Variants in JARID2 observed in about 807,000 individuals in gnomAD.
JARID2 encodes protein Jumonji.
In JARID2, 21 loss-of-function variants were observed where a neutral mutation model predicts 125.6. The ratio of observed to expected loss-of-function variants is 0.17; its 90% confidence interval spans 0.12 to 0.24. The LOEUF (loss-of-function observed/expected upper bound fraction) is 0.24. JARID2 is among the 10% of genes least tolerant of loss of function. The pLI, the probability that JARID2 is intolerant of heterozygous loss-of-function variation, is 1.00. For missense variants in JARID2, 1,303 were observed against 1,639.6 expected, an observed-to-expected ratio of 0.79 and a Z score of 3.55; for synonymous variants, 736 against 661.6, an observed-to-expected ratio of 1.11 and a Z score of -1.73.
At chr6:15,321,818 A>C (rs1392945118) in intron 1 of JARID2, among the ~76,000 whole-genome samples, 1 of 95,050 alleles carries the variant, frequency 1.1e-5, no homozygotes, top group Non-Finnish European at 1.9e-5. Flanking sequence ...TTTGAGATGG[A>C]GTCTCACTTT....
At chr6:15,439,078 C>T (rs1468604725) in intron 3 of JARID2, among the ~76,000 whole-genome samples, 1 of 150,864 alleles carries the variant, frequency 6.6e-6, no homozygotes, top group Non-Finnish European at 1.5e-5. Context: ...CTGGTTCAGG[C>T]AGTGGAACAG....
At position 15,496,734 on chromosome 6, in the gene JARID2, G is replaced by T. The variant is rs1166677555; in HGVS notation, c.1509G>T (p.Thr503=). Residue 503 remains threonine, a synonymous_variant, in exon 7 of 18, where the codon ACG becomes ACT. Coordinates refer to ENST00000341776, the MANE Select transcript of JARID2 (RefSeq NM_004973.4). The part of the protein sequence containing the change: ...SLERNRPKRA[T]AGKSTPGRQA... ...AGAGGAATCGGCCGAAGCGGGCCAC[G>T]GCCGGGAAGAGCACGCCAGGCAGAC... 4 of 1,613,594 alleles carry T rather than the reference G, an allele frequency of 2.5e-6. No individual in the cohort carries two copies. Among genetic ancestry groups the T allele is most frequent in the Non-Finnish European group, 3.4e-6 (4 of 1,179,980 alleles).
chr6:15,309,172 A>T (rs1761932038), intron 1 of JARID2, among the ~76,000 whole-genome samples: 1 of 152,200 alleles, frequency 6.6e-6, no homozygotes, highest in Admixed American at 6.5e-5. Context: ...TGACCTCGGA[A>T]GGAACTAAAC....
chr6:15,303,436 C>T (rs908640226), intron 1 of JARID2, among the ~76,000 whole-genome samples: 2 of 152,360 alleles, frequency 1.3e-5, no homozygotes, highest in East Asian at 1.9e-4. Context: ...TGTGGCTGGC[C>T]AGAGGCTTAT....
intron 1 of JARID2, among the ~76,000 whole-genome samples, chr6:15,265,521 C>T (rs914993751): frequency 2.0e-5 from 3 of 152,182 alleles, no homozygotes; most frequent in South Asian, 2.1e-4. Context: ...AGATTTGGCT[C>T]TGTGAGATTT....
At chr6:15,356,042 A>G (rs546234714) in intron 1 of JARID2, among the ~76,000 whole-genome samples, 22 of 152,204 alleles carry the variant, frequency 1.4e-4, no homozygotes, top group Admixed American at 2.0e-4. Flanking sequence ...GGGTTGGCCT[A>G]TTCTGGAGAC....
chr6:15,256,329 A>G (rs779994319), intron 1 of JARID2, among the ~76,000 whole-genome samples: 5 of 152,164 alleles, frequency 3.3e-5, no homozygotes, highest in African/African-American at 7.2e-5. Context: ...ATCACCTTCT[A>G]CCTCTGTCCT....
chr6:15,383,743 C>T (rs1404131819), intron 2 of JARID2, among the ~76,000 whole-genome samples: 1 of 152,070 alleles, frequency 6.6e-6, no homozygotes, highest in Non-Finnish European at 1.5e-5. Flanking sequence ...CAGCATTTAC[C>T]GTGATTGAAC....
Position 15,309,637 on chromosome 6 carries a change from A to G in JARID2, c.45+63053A>G, listed in dbSNP as rs191750201. On this transcript the variant is annotated intron_variant, in intron 1 of 17. Coordinates refer to ENST00000341776, the MANE Select transcript of JARID2 (RefSeq NM_004973.4). ...TGGAAAATTTAGTAAATATATGTAT[A>G]CATATAATATATAAAGCATACATAT... Among the ~76,000 whole-genome samples, 388 of 152,242 alleles carry G rather than the reference A, an allele frequency of 2.5e-3. 1 individual carries two copies. The highest frequency in any genetic ancestry group is 4.6e-3 in the Non-Finnish European group (310 of 68,024).
chr6:15,498,228 A>G (rs980886705), intron 7 of JARID2, among the ~76,000 whole-genome samples: 3 of 151,946 alleles, frequency 2.0e-5, no homozygotes, highest in African/African-American at 7.3e-5. Context: ...AGGTCAAGGG[A>G]TCTGTTGACC....
At chr6:15,264,612 AGTGTGTGT>A (rs148424538) in intron 1 of JARID2, among the ~76,000 whole-genome samples, 4 of 146,134 alleles carry the variant, frequency 2.7e-5, no homozygotes, top group Non-Finnish European at 6.0e-5. Flanking sequence ...GGTAGGTGTG[AGTGTGTGT>A]GTGTGTGTGT....
intron 1 of JARID2, among the ~76,000 whole-genome samples, chr6:15,367,037 C>T (rs759537227): frequency 2.6e-5 from 4 of 151,956 alleles, no homozygotes; most frequent in African/African-American, 9.7e-5. Flanking sequence ...CTGGAAGGGG[C>T]CTGGTAGAGT....
intron 3 of JARID2, among the ~76,000 whole-genome samples, chr6:15,425,047 G>A (rs988438578): frequency 1.3e-5 from 2 of 152,182 alleles, no homozygotes; most frequent in African/African-American, 4.8e-5. Flanking sequence ...CTGAGGCACA[G>A]AAGACTATAC....
chr6:15,361,545 T>G (rs969037619), intron 1 of JARID2, among the ~76,000 whole-genome samples: 1 of 152,234 alleles, frequency 6.6e-6, no homozygotes, highest in Non-Finnish European at 1.5e-5. Context: ...AATCGTAACT[T>G]TGCTTCTTGA....
chr6:15,448,938 T>C (rs758846979), intron 3 of JARID2, among the ~76,000 whole-genome samples: 12 of 152,122 alleles, frequency 7.9e-5, no homozygotes, highest in Non-Finnish European at 1.3e-4. Flanking sequence ...TTAAATTGCT[T>C]TTTGCCCCCT....
chr6:15,269,578 T>TC (rs1346985335), intron 1 of JARID2, among the ~76,000 whole-genome samples: 1 of 151,012 alleles, frequency 6.6e-6, no homozygotes, highest in Non-Finnish European at 1.5e-5. Context: ...TAAAATTTTT[T>TC]TTTTTTTTTT....
At chr6:15,366,846 G>T (rs771900614) in intron 1 of JARID2, among the ~76,000 whole-genome samples, 1 of 151,956 alleles carries the variant, frequency 6.6e-6, no homozygotes, top group Non-Finnish European at 1.5e-5. Context: ...ATTGGTGGGG[G>T]GTCTGAATTC....
intron 6 of JARID2, among the ~76,000 whole-genome samples, chr6:15,490,986 T>C (rs1421767455): frequency 6.6e-6 from 1 of 152,168 alleles, no homozygotes; most frequent in Admixed American, 6.5e-5. Context: ...GGACCTTCCA[T>C]TGAGCTATAG....
At chr6:15,413,008 G>GTTTTTGTTT (rs1765958811) in intron 3 of JARID2, among the ~76,000 whole-genome samples, 22 of 47,452 alleles carry the variant, frequency 4.6e-4, no homozygotes, top group South Asian at 6.6e-4. Flanking sequence ...TTGTGTTTTT[G>GTTTTTGTTT]TTTTTTTTTT....
Sources: gnomAD v4.1 joint callset for allele counts (sites outside exome capture counted in the v4.1 genomes callset) on GRCh38, gnomAD v4.1.1 for gene constraint, MANE v1.5 for transcripts, NCBI Gene and HGNC (gene_info 2026-07-23, HGNC 2026-07-21) for gene names.